TRANK1: variants seen among roughly 807,000 people sequenced by gnomAD.
TRANK1 encodes tetratricopeptide repeat and ankyrin repeat containing 1, also known as TPR and ankyrin repeat-containing protein 1.
TRANK1 carries 198 observed loss-of-function variants against 266.0 expected under a neutral mutation model. The ratio of observed to expected loss-of-function variants is 0.74; its 90% CI spans 0.66 to 0.84. The LOEUF (loss-of-function observed/expected upper bound fraction) is 0.84. Among genes scored for constraint, TRANK1 ranks in the 40% least tolerant of loss-of-function variants. The pLI, the probability that TRANK1 is intolerant of heterozygous loss-of-function variation, is 0.00. For missense variants in TRANK1, 3,326 were observed against 3,634.6 expected (o/e 0.92, Z 2.18); for synonymous variants, 1,396 against 1,384.1 (o/e 1.01, Z -0.19).
At chr3:36,936,885 T>C (rs1233099633) in intron 1 of TRANK1, among the ~76,000 whole-genome samples, 1 of 152,210 alleles carries the variant, frequency 6.6e-6, no homozygotes, top group African/African-American at 2.4e-5. Context: ...GTGGATCACC[T>C]GAGGTCAGAA....
At chr3:36,838,822 TGCTCCAG>T in intron 18 of TRANK1, 106 bp from the exon 19 acceptor site, 1 of 1,122,126 alleles carries the variant, frequency 8.9e-7, no homozygotes, top group East Asian at 2.6e-5. Context: ...CATGAAGTCT[TGCTCCAG>T]CCCAATCTGA....
Position 36,833,493 on chromosome 3 carries a change from C to T in TRANK1, c.6090G>A (p.Ala2030=), listed in dbSNP as rs186022015. The change falls in exon 22 of 24, where the codon GCG becomes GCA. Residue 2030 remains alanine (A), a synonymous_variant. Transcript: ENST00000645898. The part of the protein sequence containing the change: ...CYQTGQLSGI[A]EAHFLQGVIL... ...TTACCCCTTGCAGGAAGTGGGCCTC[C>T]GCAATGCCAGACAACTGGCCAGTTT... The T allele has an allele frequency of 2.4e-4, 386 of 1,613,898 alleles. 1 individual carries two copies. The African/African-American group carries it at 3.0e-3, about 12-fold the overall frequency.
chr3:36,939,949 G>T (rs989027411), intron 1 of TRANK1, among the ~76,000 whole-genome samples: 1 of 151,626 alleles, frequency 6.6e-6, no homozygotes, highest in Non-Finnish European at 1.5e-5. Context: ...TGAGTGCAGT[G>T]GTGCAATCTT....
In TRANK1 at chr3:36,856,080, C is replaced by G; in HGVS notation, c.3642G>C (p.Lys1214Asn). The G allele has an allele frequency of 6.2e-7, 1 of 1,613,768 alleles. No individual in the cohort carries two copies. Among genetic ancestry groups the G allele is most frequent in the Non-Finnish European group, 8.5e-7 (1 of 1,179,866 alleles). The change falls in exon 13 of 24, where the codon AAG (lysine) becomes AAC (asparagine). Residue 1214 changes from lysine to asparagine, a missense_variant. Coordinates refer to ENST00000645898, the MANE Select transcript of TRANK1 (RefSeq NM_001329998.2). ...TGTAATGACTAGTGGCCTTGGTGGA[C>G]TTGGAAAGCTCAATGAAATTCCTTT... ...EVQRNFIELS[K>N]STKATSHYKP...
chr3:36,892,847 CAAA>C (rs1203323600), intron 6 of TRANK1, 51 bp downstream of exon 6: 12 of 739,762 alleles, frequency 1.6e-5, no homozygotes, highest in African/African-American at 4.7e-5. Context: ...CAAAACAAAA[CAAA>C]ACATATATAT....
chr3:36,928,317 A>G (rs2080316475), intron 1 of TRANK1, among the ~76,000 whole-genome samples: 1 of 152,142 alleles, frequency 6.6e-6, no homozygotes, highest in Admixed American at 6.6e-5. Flanking sequence ...CTTTTTTTCT[A>G]CAGATCTGAT....
At chr3:36,942,682 TC>T (rs2080512665) in intron 1 of TRANK1, among the ~76,000 whole-genome samples, 1 of 149,986 alleles carries the variant, frequency 6.7e-6, no homozygotes, top group Non-Finnish European at 1.5e-5. Flanking sequence ...CCTACAGTAT[TC>T]TATCACTCAA....
intron 2 of TRANK1, among the ~76,000 whole-genome samples, chr3:36,905,072 A>G (rs2079943475): frequency 6.6e-6 from 1 of 151,802 alleles, no homozygotes; most frequent in Non-Finnish European, 1.5e-5. Context: ...GCGGATCACG[A>G]GGTCAGGAGA....
At chr3:36,858,393 A>G (rs1575213935) in intron 12 of TRANK1, among the ~76,000 whole-genome samples, 1 of 152,232 alleles carries the variant, frequency 6.6e-6, no homozygotes, top group African/African-American at 2.4e-5. Context: ...AGTTCCTGAA[A>G]TGACCATACA....
intron 1 of TRANK1, among the ~76,000 whole-genome samples, chr3:36,926,940 A>G (rs1355997588): frequency 6.6e-6 from 1 of 152,224 alleles, no homozygotes; most frequent in African/African-American, 2.4e-5. Context: ...TGCCTATAAT[A>G]ATGATTATAC....
chr3:36,885,108 C>T (rs1380860291), intron 8 of TRANK1, among the ~76,000 whole-genome samples: 2 of 151,972 alleles, frequency 1.3e-5, no homozygotes, highest in African/African-American at 2.4e-5. Flanking sequence ...CAAAGTATCC[C>T]CTCCAAGATA....
intron 13 of TRANK1, among the ~76,000 whole-genome samples, chr3:36,853,730 A>G (rs2079014357): frequency 6.6e-6 from 1 of 152,238 alleles, no homozygotes; most frequent in Non-Finnish European, 1.5e-5. Context: ...GATAAACCTT[A>G]AAGACATTAA....
chr3:36,931,357 AT>A (rs2080358118), intron 1 of TRANK1, among the ~76,000 whole-genome samples: 1 of 152,252 alleles, frequency 6.6e-6, no homozygotes, highest in African/African-American at 2.4e-5. Flanking sequence ...AACAGTGTTT[AT>A]ATTACATTCC....
intron 3 of TRANK1, among the ~76,000 whole-genome samples, chr3:36,900,003 G>A (rs2079851796): frequency 6.6e-6 from 1 of 152,152 alleles, no homozygotes; most frequent in Non-Finnish European, 1.5e-5. Context: ...GGGACTACAG[G>A]TGTGCACCAC....
intron 8 of TRANK1, among the ~76,000 whole-genome samples, chr3:36,876,849 A>T (rs548081576): frequency 3.4e-4 from 52 of 152,180 alleles, no homozygotes; most frequent in Non-Finnish European, 5.7e-4. Context: ...CTTCTAACCA[A>T]GACAGATGTA....
intron 9 of TRANK1, among the ~76,000 whole-genome samples, chr3:36,868,804 A>G (rs1229152912): frequency 6.6e-6 from 1 of 152,250 alleles, no homozygotes; most frequent in Non-Finnish European, 1.5e-5. Flanking sequence ...ATGCCTGCAT[A>G]TACTGAAAAC....
chr3:36,920,871 G>C (rs189160863), intron 1 of TRANK1, among the ~76,000 whole-genome samples: 1 of 152,234 alleles, frequency 6.6e-6, no homozygotes, highest in East Asian at 1.9e-4. Context: ...AGGAGTTGGG[G>C]GTTGTGTAAT....
In TRANK1 at chr3:36,900,143, G is replaced by A. The variant is rs935773917; in HGVS notation, c.283-884C>T. On this transcript the variant is annotated intron_variant, in intron 3 of 23. Transcript: ENST00000645898. ...CAAACTGCTGGGATTATGAAGCCGGGGTGCAGTGCAAGTGAGCCACTGCAC... is the reference window on the plus strand; with the variant it reads ...CAAACTGCTGGGATTATGAAGCCGGAGTGCAGTGCAAGTGAGCCACTGCAC... Among the ~76,000 whole-genome samples, 5 of 152,080 alleles carry A rather than the reference G, an allele frequency of 3.3e-5. No homozygotes were observed. The South Asian group carries it at 1.0e-3, about 32-fold the overall frequency.
Position 36,833,065 on chromosome 3 carries a change from A to G in TRANK1, c.6518T>C (p.Leu2173Ser). 6.2e-7 allele frequency: 1 copy of G among 1,612,990 alleles called. No homozygotes were observed. Among genetic ancestry groups the G allele is most frequent in the Non-Finnish European group, 8.5e-7 (1 of 1,179,374 alleles). Reference sequence around the variant, plus strand: ...CCGTGTGATCTGACACAGCCTGCCCAAAAGGTGTTTGTTTAGGGCTAATTT... The same window carrying G: ...CCGTGTGATCTGACACAGCCTGCCCGAAAGGTGTTTGTTTAGGGCTAATTT... ...QVKLALNKHLLGRLCQITRSL... is the reference protein window; with the variant it reads ...QVKLALNKHLSGRLCQITRSL... Residue 2173 changes from leucine (L) to serine (S), a missense_variant, in exon 22 of 24, where the codon TTG (leucine) becomes TCG (serine). Physicochemically the swap from Leu to Ser is moderately radical, Grantham distance 145 (BLOSUM62 -2). Coordinates refer to ENST00000645898, the MANE Select transcript of TRANK1 (RefSeq NM_001329998.2).
Sources: allele counts gnomAD v4.1 joint callset (sites outside exome capture counted in the v4.1 genomes callset), GRCh38; gene constraint gnomAD v4.1.1; transcripts MANE v1.5; gene names NCBI Gene and HGNC (gene_info 2026-07-23, HGNC 2026-07-21).